The following GPC6 variants were observed in gnomAD, a reference collection of about 807,000 sequenced individuals.
The protein encoded by GPC6 is glypican 6.
A neutral mutation model predicts 55.2 loss-of-function variants in GPC6; 14 were observed. The observed-to-expected ratio is 0.25, with a 90% CI of 0.17 to 0.40. The LOEUF (loss-of-function observed/expected upper bound fraction) is 0.40, where lower values mean the gene tolerates loss of function less well. Among genes scored for constraint, GPC6 ranks in the 10% least tolerant of loss-of-function variants. The pLI, the probability that GPC6 is intolerant of heterozygous loss-of-function variation, is 1.00. For missense variants in GPC6, 641 were observed against 708.5 expected (o/e 0.90, Z 1.08); for synonymous variants, 278 against 259.6 (o/e 1.07, Z -0.68).
chr13:93,381,268 G>A (rs1194868970), intron 1 of GPC6, among the ~76,000 whole-genome samples: 40 of 152,050 alleles, frequency 2.6e-4, no homozygotes, highest in Admixed American at 2.6e-3. Flanking sequence ...CTACACAGTG[G>A]ACATTGTGCT....
intron 4 of GPC6, among the ~76,000 whole-genome samples, chr13:94,071,342 C>T (rs1193266268): frequency 1.3e-5 from 2 of 152,090 alleles, no homozygotes; most frequent in Non-Finnish European, 2.9e-5. Flanking sequence ...TTTAGGATGA[C>T]ATGATTTGAT....
intron 1 of GPC6, among the ~76,000 whole-genome samples, chr13:93,231,396 T>TATATATATATATATATAC (rs1491170403): frequency 3.7e-5 from 1 of 27,062 alleles, no homozygotes; most frequent in African/African-American, 1.8e-4. Flanking sequence ...TATATATATA[T>TATATATATATATATATAC]GTATATATAT....
chr13:94,345,535 G>T (rs751921860), intron 6 of GPC6, among the ~76,000 whole-genome samples: 14 of 152,152 alleles, frequency 9.2e-5, no homozygotes, highest in Non-Finnish European at 1.6e-4. Context: ...GAAAGAACAT[G>T]CCCATTGCAG....
intron 3 of GPC6, among the ~76,000 whole-genome samples, chr13:93,916,471 G>A (rs994973503): frequency 1.4e-4 from 22 of 152,150 alleles, no homozygotes; most frequent in African/African-American, 5.1e-4. Context: ...GAAACTGACA[G>A]TAAGTGTAAT....
At chr13:93,883,962 G>A (rs934302593) in intron 3 of GPC6, among the ~76,000 whole-genome samples, 16 of 152,058 alleles carry the variant, frequency 1.1e-4, no homozygotes, top group African/African-American at 3.1e-4. Context: ...TAAAGCATAG[G>A]CTAAACTTAA....
chr13:94,331,533 G>A (rs997463299), intron 6 of GPC6, among the ~76,000 whole-genome samples: 2 of 152,088 alleles, frequency 1.3e-5, no homozygotes, highest in African/African-American at 4.8e-5. Flanking sequence ...AGAGGGCCCA[G>A]AACTGATCTA....
intron 1 of GPC6, among the ~76,000 whole-genome samples, chr13:93,295,173 T>TC (rs1878444140): frequency 6.9e-6 from 1 of 145,244 alleles, no homozygotes; most frequent in South Asian, 2.2e-4. Flanking sequence ...GTGCCTGTAG[T>TC]CCCAGTAGTC....
intron 1 of GPC6, among the ~76,000 whole-genome samples, chr13:93,481,298 TG>T (rs1879513628): frequency 6.6e-6 from 1 of 152,186 alleles, no homozygotes; most frequent in African/African-American, 2.4e-5. Flanking sequence ...TCTTTTTATT[TG>T]TGTATTGTAA....
chr13:93,936,980 A>G (rs1878468714), intron 3 of GPC6, among the ~76,000 whole-genome samples: 3 of 152,230 alleles, frequency 2.0e-5, no homozygotes, highest in African/African-American at 7.2e-5. Context: ...GTTCAAAGCC[A>G]GTGCTATTTG....
chr13:93,927,561 G>C (rs543521939), intron 3 of GPC6, among the ~76,000 whole-genome samples: 10 of 152,072 alleles, frequency 6.6e-5, no homozygotes, highest in African/African-American at 2.4e-4. Context: ...GAGTTCAATG[G>C]GGGTAGTGGT....
At chr13:94,098,040 A>G (rs1466230769) in intron 4 of GPC6, among the ~76,000 whole-genome samples, 1 of 152,224 alleles carries the variant, frequency 6.6e-6, no homozygotes, top group African/African-American at 2.4e-5. Flanking sequence ...CTGAGAAAAA[A>G]TGTAAGTAGA....
At chr13:93,456,165 C>T (rs900617115) in intron 1 of GPC6, among the ~76,000 whole-genome samples, 7 of 151,212 alleles carry the variant, frequency 4.6e-5, no homozygotes, top group Non-Finnish European at 8.8e-5. Flanking sequence ...ACTTTATGAA[C>T]CCTTAATCAT....
At chr13:93,676,166 TATAC>T (rs1334360302) in intron 2 of GPC6, among the ~76,000 whole-genome samples, 34 of 35,664 alleles carry the variant, frequency 9.5e-4, no homozygotes, top group African/African-American at 2.8e-3. Flanking sequence ...TATATATATA[TATAC>T]ATACACACAC....
chr13:93,273,211 GAATCTTATCTA>G (rs199561228), intron 1 of GPC6, among the ~76,000 whole-genome samples: 37,020 of 151,860 alleles, frequency 0.24, 4,597 homozygotes, highest in African/African-American at 0.3. Flanking sequence ...AAGATAGTCT[GAATCTTATCTA>G]AATCATATCT....
chr13:93,802,340 A>C (rs1190069337), intron 2 of GPC6, among the ~76,000 whole-genome samples: 3 of 152,062 alleles, frequency 2.0e-5, no homozygotes. Context: ...TCACTCAGAC[A>C]CTTCCCCTTC....
Position 94,076,362 on chromosome 13 carries a change from T to TTATC in GPC6, c.877+48482_877+48485dup, listed in dbSNP as rs1247007656. Among the ~76,000 whole-genome samples, 13 of 152,058 alleles carry TTATC rather than the reference T, an allele frequency of 8.5e-5. No homozygotes were observed. The East Asian group carries it at 2.1e-3, about 25-fold the overall frequency. On this transcript the variant is annotated intron_variant, in intron 4 of 8. Coordinates refer to ENST00000377047, the MANE Select transcript of GPC6 (RefSeq NM_005708.5). The stretch of plus-strand genomic sequence containing the variant: ...GGTTGTTCCTTATATACATTGGATA[T>TTATC]TATCTATCTATCTATCTTACTATCT...
chr13:94,113,544 A>C (rs1419814856), intron 4 of GPC6, among the ~76,000 whole-genome samples: 5 of 152,140 alleles, frequency 3.3e-5, no homozygotes, highest in Non-Finnish European at 7.4e-5. Flanking sequence ...TTCAAGGATA[A>C]TAAGCTTTCC....
intron 1 of GPC6, among the ~76,000 whole-genome samples, chr13:93,320,767 A>G (rs1410677547): frequency 1.3e-5 from 2 of 152,122 alleles, no homozygotes; most frequent in East Asian, 3.9e-4. Context: ...ACTGCAAAAG[A>G]AAATTCTGTA....
chr13:93,821,349 A>C lies in GPC6; in HGVS notation c.320-8805A>C, dbSNP rs9589849. The stretch of plus-strand genomic sequence containing the variant: ...GAAACACTTGTTTTCAAGCTATTTA[A>C]TAATGTTATAGGGATGAGGGTCCTG... On this transcript the variant is annotated intron_variant, in intron 2 of 8. Coordinates refer to ENST00000377047, the MANE Select transcript of GPC6 (RefSeq NM_005708.5). 5.7e-3 allele frequency among the ~76,000 whole-genome samples: 861 copies of C among 152,278 alleles called. 13 individuals carry two copies. Among genetic ancestry groups the C allele is most frequent in the African/African-American group, 0.02 (828 of 41,554 alleles).
Sources: gnomAD v4.1 joint callset for allele counts (sites outside exome capture counted in the v4.1 genomes callset) on GRCh38, gnomAD v4.1.1 for gene constraint, MANE v1.5 for transcripts, NCBI Gene and HGNC (gene_info 2026-07-23, HGNC 2026-07-21) for gene names.